SAP130: variants seen among roughly 807,000 people sequenced by gnomAD.
The protein encoded by SAP130 is histone deacetylase complex subunit SAP130.
A neutral mutation model predicts 103.2 loss-of-function variants in SAP130; 16 were observed. That is an observed-to-expected ratio of 0.16 (90% CI 0.10 to 0.24). The LOEUF (loss-of-function observed/expected upper bound fraction) is 0.24. Among genes scored for constraint, SAP130 ranks in the 10% least tolerant of loss-of-function variants. SAP130 has a pLI of 1.00. For missense variants in SAP130, 990 were observed against 1,359.7 expected (o/e 0.73, Z 4.28); for synonymous variants, 477 against 497.0 (o/e 0.96, Z 0.53).
At chr2:127,944,195 G>C (rs1025156532) in intron 19 of SAP130, among the ~76,000 whole-genome samples, 1 of 151,822 alleles carries the variant, frequency 6.6e-6, no homozygotes, top group South Asian at 2.1e-4. Context: ...ACTACACCCG[G>C]CTAATTAAAA....
intron 15 of SAP130, among the ~76,000 whole-genome samples, chr2:127,961,134 T>G (rs1680218698): frequency 1.3e-5 from 2 of 151,218 alleles, no homozygotes; most frequent in Admixed American, 6.6e-5. Flanking sequence ...GGACCACAGG[T>G]GTGCACCACC....
chr2:127,975,705 T>A (rs1393779072), intron 15 of SAP130, among the ~76,000 whole-genome samples: 1 of 152,184 alleles, frequency 6.6e-6, no homozygotes, highest in South Asian at 2.1e-4. Flanking sequence ...ATGAGTGGTG[T>A]TGAGTGAATC....
chr2:128,003,090 C>T (rs1414138577), intron 7 of SAP130, among the ~76,000 whole-genome samples: 5 of 151,904 alleles, frequency 3.3e-5, no homozygotes, highest in African/African-American at 1.2e-4. Flanking sequence ...GACTGTGCCA[C>T]TGCACTCCAG....
rs1679642949 is a variant in SAP130 at position 127,953,657 on chromosome 2, A to G, written c.2422+1329T>C. ...TTTTGAGCACATCACGCATGCTCCTATCTCAAGATTTTTGTACTTACTGCT... is the reference window on the plus strand; with the variant it reads ...TTTTGAGCACATCACGCATGCTCCTGTCTCAAGATTTTTGTACTTACTGCT... On this transcript the variant is annotated intron_variant, in intron 16 of 20. Coordinates refer to ENST00000643581, the MANE Select transcript of SAP130 (RefSeq NM_001330301.2). This position sits in a 1 kb window ranked among gnomAD's most constrained non-coding sequence, Gnocchi z 4.0. Among the ~76,000 whole-genome samples, 1 of 152,130 alleles carries G rather than the reference A, an allele frequency of 6.6e-6. No homozygotes were observed. The highest frequency in any genetic ancestry group is 1.5e-5 in the Non-Finnish European group (1 of 68,022).
At chr2:127,969,071 T>C (rs1323815045) in intron 15 of SAP130, among the ~76,000 whole-genome samples, 1 of 152,120 alleles carries the variant, frequency 6.6e-6, no homozygotes, top group Non-Finnish European at 1.5e-5. Context: ...GTAAACAAAG[T>C]GCTATTGATA....
rs1167915387 is a variant in SAP130 at position 127,962,843 on chromosome 2, C to CCT, written c.2064-7500_2064-7499insAG. 2.0e-3 allele frequency among the ~76,000 whole-genome samples: 295 copies of CCT among 149,076 alleles called. 3 individuals are homozygous for CCT. The highest frequency in any genetic ancestry group is 6.9e-3 in the African/African-American group (278 of 40,296). On this transcript the variant is annotated intron_variant, in intron 15 of 20. Coordinates refer to ENST00000643581, the MANE Select transcript of SAP130 (RefSeq NM_001330301.2). ...TGTATACATATGTAACAAACCTGCA[C>CCT]GTTGTGCACATGTACCCTAAAACTT... is the stretch of plus-strand genomic sequence containing the variant.
chr2:127,952,407 C>T (rs1010070351), intron 16 of SAP130, among the ~76,000 whole-genome samples: 11 of 149,898 alleles, frequency 7.3e-5, no homozygotes, highest in South Asian at 2.1e-4. Context: ...GCCAAGATCA[C>T]GCCACTGCAC....
At chr2:128,009,374 G>T (rs548768945) in intron 7 of SAP130, among the ~76,000 whole-genome samples, 1 of 152,284 alleles carries the variant, frequency 6.6e-6, no homozygotes, top group South Asian at 2.1e-4. Flanking sequence ...GGGAGGCTGA[G>T]GCAAGAGGAT....
In SAP130 at chr2:127,989,969, T is replaced by C. The variant is rs562080492; in HGVS notation, c.1478-103A>G. ...AACGGATTTCCTCCACTGTATAAGATCTAAATCCATGGTTTGAAAAAAAAT... is the reference window on the plus strand; with the variant it reads ...AACGGATTTCCTCCACTGTATAAGACCTAAATCCATGGTTTGAAAAAAAAT... On this transcript the variant is annotated intron_variant, in intron 12 of 20. Transcript: ENST00000643581. The surrounding 1 kb of genome is among the most constrained non-coding windows in gnomAD (Gnocchi z 4.6). The C allele has an allele frequency of 1.3e-4, 129 of 1,011,840 alleles. No individual in the cohort carries two copies. In the African/African-American group the frequency reaches 1.9e-3, roughly 15 times the overall value. The allele number at this position is 1,011,840 out of a possible 1,614,324, so 62.7% of individuals were successfully genotyped here.
intron 6 of SAP130, among the ~76,000 whole-genome samples, chr2:128,012,005 G>A (rs1413706601): frequency 6.6e-6 from 1 of 152,016 alleles, no homozygotes; most frequent in Admixed American, 6.5e-5. Context: ...GTAGAGACAG[G>A]GTTTCACCAT....
intron 16 of SAP130, 94 bp from the exon 17 acceptor site, chr2:127,950,502 A>G: frequency 2.9e-6 from 4 of 1,364,900 alleles, no homozygotes; most frequent in Non-Finnish European, 4.1e-6. Flanking sequence ...TTAAGAAGAC[A>G]GCACAGAGCA....
chr2:127,995,533 T>C (rs1683117671), intron 11 of SAP130, among the ~76,000 whole-genome samples: 1 of 152,190 alleles, frequency 6.6e-6, no homozygotes, highest in Admixed American at 6.5e-5. Context: ...TGGGGGTGGA[T>C]AAGAGAAAGT....
intron 16 of SAP130, among the ~76,000 whole-genome samples, chr2:127,950,662 G>GT (rs1261495485): frequency 3.3e-5 from 5 of 152,156 alleles, no homozygotes; most frequent in Non-Finnish European, 7.4e-5. Context: ...GCTAAAGAAT[G>GT]TACTTCCTAG....
At chr2:127,958,679 A>G (rs1271204052) in intron 15 of SAP130, among the ~76,000 whole-genome samples, 1 of 93,538 alleles carries the variant, frequency 1.1e-5, no homozygotes, top group African/African-American at 3.3e-5. Context: ...AGAGAGAGAG[A>G]GAGAGAATCT....
rs528312758 is a variant in SAP130, at chr2:127,977,252, G to C, written c.2063+733C>G. Among the ~76,000 whole-genome samples, 31 of 151,430 alleles carry C rather than the reference G, an allele frequency of 2.0e-4. 1 individual carries two copies. In the South Asian group the frequency reaches 4.8e-3, roughly 23 times the overall value. ...TGCATATAATCCCAGCACTTTGGGA[G>C]GCTGAGGCACGTGGATCAATTGAGG... On this transcript the variant is annotated intron_variant, in intron 15 of 20. Coordinates refer to ENST00000643581, the MANE Select transcript of SAP130 (RefSeq NM_001330301.2).
chr2:128,017,942 G>A (rs565876940), intron 2 of SAP130, 27 bp from the exon 3 acceptor site: 4 of 1,543,458 alleles, frequency 2.6e-6, no homozygotes, highest in East Asian at 4.5e-5. Context: ...GAGTGAGACA[G>A]TATGTCACAG....
intron 7 of SAP130, among the ~76,000 whole-genome samples, chr2:128,003,112 C>T (rs72973322): frequency 0.026 from 3,939 of 151,020 alleles, 126 homozygotes; most frequent in East Asian, 0.14. Context: ...CTGGGCGACA[C>T]ATGAGAGGGT....
At chr2:127,993,738 G>T (rs1420450412) in intron 11 of SAP130, among the ~76,000 whole-genome samples, 1 of 152,074 alleles carries the variant, frequency 6.6e-6, no homozygotes, top group East Asian at 1.9e-4. Context: ...GAAAAAATGG[G>T]ATCCAATTTA....
At chr2:127,957,127 C>T (rs1001053055) in intron 15 of SAP130, among the ~76,000 whole-genome samples, 1 of 151,906 alleles carries the variant, frequency 6.6e-6, no homozygotes, top group African/African-American at 2.4e-5. Flanking sequence ...ATAGTAAGAC[C>T]CCATTTCTTA....
Sources: gnomAD v4.1 joint callset for allele counts (sites outside exome capture counted in the v4.1 genomes callset) on GRCh38, gnomAD v4.1.1 for gene constraint, Gnocchi (gnomAD v3.1) non-coding constraint, MANE v1.5 for transcripts, NCBI Gene and HGNC (gene_info 2026-07-23, HGNC 2026-07-21) for gene names.